The following RNF152 variants were observed in gnomAD, a reference collection of about 807,000 sequenced individuals.
RNF152 encodes the protein E3 ubiquitin-protein ligase RNF152.
In RNF152, 11 loss-of-function variants were observed where a neutral mutation model predicts 12.7. The ratio of observed to expected loss-of-function variants is 0.86; its 90% CI spans 0.54 to 1.43. The LOEUF is 1.43. RNF152 is among the 40% of genes most tolerant of loss of function. The pLI is 0.00. For missense variants in RNF152, 255 were observed against 274.8 expected, an observed-to-expected ratio of 0.93 and a Z score of 0.51; for synonymous variants, 113 against 120.3, an observed-to-expected ratio of 0.94 and a Z score of 0.40.
chr18:61,821,929 A>C (rs945388064), intron 1 of RNF152, among the ~76,000 whole-genome samples: 3 of 152,160 alleles, frequency 2.0e-5, no homozygotes, highest in African/African-American at 4.8e-5. Context: ...CTGTGGAAAA[A>C]TTGTCTTCCA....
In RNF152 at chr18:61,849,527, C is replaced by T. The variant is rs542207597; in HGVS notation, c.-135-32929G>A. Among the ~76,000 whole-genome samples the T allele has an allele frequency of 3.9e-5, 6 of 152,318 alleles. No individual in the cohort carries two copies. The South Asian group carries it at 1.0e-3, about 26-fold the overall frequency. ...GATTGAAGTAACCTGCCCAAAGTGG[C>T]CACTGAGCTAATGCCAAACCCTGTG... On this transcript the variant is annotated intron_variant, in intron 1 of 1. Coordinates refer to ENST00000312828, the MANE Select transcript of RNF152 (RefSeq NM_173557.3).
At position 61,869,120 on chromosome 18, in the gene RNF152, C is replaced by T. The variant is rs189070628; in HGVS notation, c.-136+23675G>A. 1.6e-3 allele frequency among the ~76,000 whole-genome samples: 247 copies of T among 152,202 alleles called. 1 individual carries two copies. The highest frequency in any genetic ancestry group is 5.7e-3 in the African/African-American group (237 of 41,512). ...GTTATATAAAATTTCCTAAGTTCAC[C>T]ATGTCTCTCTAAGTAGGATGAGCTA... On this transcript the variant is annotated intron_variant, in intron 1 of 1. Transcript: ENST00000312828.
At chr18:61,821,389 C>A (rs1909401943) in intron 1 of RNF152, among the ~76,000 whole-genome samples, 1 of 152,168 alleles carries the variant, frequency 6.6e-6, no homozygotes, top group African/African-American at 2.4e-5. Context: ...GTACTGCATT[C>A]CAGTTTATTT....
At chr18:61,868,255 G>A (rs1488385300) in intron 1 of RNF152, among the ~76,000 whole-genome samples, 1 of 152,198 alleles carries the variant, frequency 6.6e-6, no homozygotes, top group Non-Finnish European at 1.5e-5. Context: ...TTAAAAATAT[G>A]TCCCAATATT....
At chr18:61,861,798 C>G (rs574627224) in intron 1 of RNF152, among the ~76,000 whole-genome samples, 4 of 152,242 alleles carry the variant, frequency 2.6e-5, no homozygotes, top group African/African-American at 4.8e-5. Context: ...GAGGCAGGCT[C>G]TTTGTAACAA....
At chr18:61,847,668 T>C (rs1332168530) in intron 1 of RNF152, among the ~76,000 whole-genome samples, 3 of 152,194 alleles carry the variant, frequency 2.0e-5, no homozygotes, top group Admixed American at 2.0e-4. Flanking sequence ...ACAACAGTCA[T>C]GCGTTTGAGA....
chr18:61,828,144 G>C lies in RNF152; in HGVS notation c.-135-11546C>G, dbSNP rs141184193. Among the ~76,000 whole-genome samples the C allele has an allele frequency of 1.8e-4, 27 of 152,322 alleles. No individual in the cohort carries two copies. The East Asian group carries it at 5.0e-3, about 28-fold the overall frequency. ...CAAGATATTTCCGCCACCCCGAAAGGTCCCCTTGTGCCTCATGCAGTTCAT... is the reference window on the plus strand; with the variant it reads ...CAAGATATTTCCGCCACCCCGAAAGCTCCCCTTGTGCCTCATGCAGTTCAT... On this transcript the variant is annotated intron_variant, in intron 1 of 1. Transcript: ENST00000312828.
intron 1 of RNF152, among the ~76,000 whole-genome samples, chr18:61,867,606 A>G (rs1007000308): frequency 2.0e-5 from 3 of 152,070 alleles, no homozygotes; most frequent in African/African-American, 7.2e-5. Context: ...GAGAGCACCC[A>G]CTATTGATGA....
Position 61,872,512 on chromosome 18 carries a change from C to T in RNF152, c.-136+20283G>A, listed in dbSNP as rs545118120. Among the ~76,000 whole-genome samples the T allele has an allele frequency of 3.3e-5, 5 of 152,284 alleles. No homozygotes were observed. The East Asian group carries it at 9.6e-4, about 29-fold the overall frequency. On this transcript the variant is annotated intron_variant, in intron 1 of 1. Transcript: ENST00000312828. The stretch of plus-strand genomic sequence containing the variant: ...AAATTCAAAATTAACTCCTTGCAGT[C>T]CAATTTTTAATCACCAAATATTCAT...
In RNF152 at chr18:61,810,234, T is replaced by G. The variant is rs1326838247; in HGVS notation, c.*5618A>C. ...ATTGGAAAACATGACTAATAACAGT[T>G]TTTTACTGAATTTTAACTCCAATTA... On this transcript the variant is annotated 3_prime_UTR_variant, in exon 2 of 2. Coordinates refer to ENST00000312828, the MANE Select transcript of RNF152 (RefSeq NM_173557.3). 4 of 152,132 alleles carry G rather than the reference T, an allele frequency of 2.6e-5. No homozygotes were observed. Among genetic ancestry groups the G allele is most frequent in the African/African-American group, 9.7e-5 (4 of 41,398 alleles). The allele number at this position is 152,132 out of a possible 1,614,324, so 9.4% of individuals were successfully genotyped here. A position where few individuals can be genotyped will look rare whatever the true frequency, so the allele number is the denominator to read the frequency against.
intron 1 of RNF152, among the ~76,000 whole-genome samples, chr18:61,821,875 T>C (rs950616696): frequency 1.3e-5 from 2 of 152,140 alleles, no homozygotes; most frequent in African/African-American, 4.8e-5. Flanking sequence ...TGATCTGAGG[T>C]GGAACAGTTT....
chr18:61,845,607 C>T (rs1262771459), intron 1 of RNF152, among the ~76,000 whole-genome samples: 1 of 152,184 alleles, frequency 6.6e-6, no homozygotes, highest in Admixed American at 6.5e-5. Context: ...TACATTTGTA[C>T]TTTAAGACAT....
intron 1 of RNF152, among the ~76,000 whole-genome samples, chr18:61,851,144 T>C (rs919925170): frequency 1.3e-5 from 2 of 151,518 alleles, no homozygotes; most frequent in Non-Finnish European, 2.9e-5. Flanking sequence ...AAATAAACCA[T>C]TTCAGGTCTT....
rs1912790396 is a variant in RNF152, at chr18:61,808,403, A to G, written c.*7449T>C. The G allele has an allele frequency of 6.6e-6, 1 of 151,162 alleles. No individual in the cohort carries two copies. 9.4% of individuals were successfully genotyped at this position (151,162 alleles called of 1,614,324 possible). The stretch of plus-strand genomic sequence containing the variant: ...TTTGGCCCTTAAAAAAAAAAAAAAA[A>G]AAAAAAAAAGCTCCTAAAATAAATA... On this transcript the variant is annotated 3_prime_UTR_variant, in exon 2 of 2. Coordinates refer to ENST00000312828, the MANE Select transcript of RNF152 (RefSeq NM_173557.3).
Position 61,815,909 on chromosome 18 carries a change from G to C in RNF152, c.555C>G (p.Ile185Met), listed in dbSNP as rs368994028. 6.2e-7 allele frequency: 1 copy of C among 1,614,170 alleles called. No homozygotes were observed. Among genetic ancestry groups the C allele is most frequent in the Non-Finnish European group, 8.5e-7 (1 of 1,180,046 alleles). The change falls in exon 2 of 2, where the codon ATC becomes ATG. Residue 185 changes from isoleucine (I) to methionine (M), a missense_variant. Ile to Met is a conservative substitution (Grantham distance 10). Coordinates refer to ENST00000312828, the MANE Select transcript of RNF152 (RefSeq NM_173557.3). ...VACVLVFLLG[I>M]VLHNMSCISK... ...AAATGCAAGACATGTTGTGAAGCAC[G>C]ATGCCGAGGAGGAAGACCAAGACGC...
intron 1 of RNF152, among the ~76,000 whole-genome samples, chr18:61,861,074 A>T (rs985440412): frequency 2.0e-5 from 3 of 152,260 alleles, no homozygotes; most frequent in African/African-American, 7.2e-5. Context: ...TAAAGTTAAA[A>T]AGTTACAGTA....
chr18:61,863,652 G>A (rs1456869347), intron 1 of RNF152, among the ~76,000 whole-genome samples: 1 of 152,168 alleles, frequency 6.6e-6, no homozygotes, highest in African/African-American at 2.4e-5. Context: ...AAGCAATCCT[G>A]TGTAACCGTA....
At chr18:61,861,523 C>T (rs2144717041) in intron 1 of RNF152, among the ~76,000 whole-genome samples, 1 of 152,238 alleles carries the variant, frequency 6.6e-6, no homozygotes. Flanking sequence ...AGATGCATTC[C>T]TAAAAATATA....
intron 1 of RNF152, among the ~76,000 whole-genome samples, chr18:61,865,258 T>G (rs907284479): frequency 6.6e-6 from 1 of 152,196 alleles, no homozygotes; most frequent in Non-Finnish European, 1.5e-5. Flanking sequence ...CAAAATGCCA[T>G]GCCACATTTT....
Sources: gnomAD v4.1 joint callset for allele counts (sites outside exome capture counted in the v4.1 genomes callset) on GRCh38, gnomAD v4.1.1 for gene constraint, MANE v1.5 for transcripts, NCBI Gene and HGNC (gene_info 2026-07-23, HGNC 2026-07-21) for gene names.